The following IQSEC1 variants were observed in gnomAD, a reference collection of about 807,000 sequenced individuals.
IQSEC1 encodes the protein IQ motif and Sec7 domain ArfGEF 1.
Under a neutral mutation model 91.0 loss-of-function variants are expected in IQSEC1, and 31 were observed. The observed-to-expected ratio is 0.34, with a 90% CI of 0.26 to 0.46. IQSEC1 has a LOEUF of 0.46. Among genes scored for constraint, IQSEC1 ranks in the 20% least tolerant of loss-of-function variants. The probability of loss-of-function intolerance (pLI) is 1.00; values close to 1 mark genes in which losing one functional copy is unlikely to be tolerated. For synonymous variants in IQSEC1, 699 were observed against 662.6 expected, an observed-to-expected ratio of 1.05 and a Z score of -0.84; for missense variants, 1,388 against 1,575.6, an observed-to-expected ratio of 0.88 and a Z score of 2.02.
intron 2 of IQSEC1, among the ~76,000 whole-genome samples, chr3:13,093,499 T>G (rs1462011189): frequency 2.0e-5 from 3 of 152,048 alleles, no homozygotes; most frequent in Admixed American, 6.5e-5. Flanking sequence ...AGGGGCTTCA[T>G]CCAAGTAACT....
intron 1 of IQSEC1, among the ~76,000 whole-genome samples, chr3:13,187,229 G>C (rs1004703102): frequency 6.6e-5 from 10 of 152,184 alleles, no homozygotes; most frequent in Non-Finnish European, 1.5e-4. Flanking sequence ...CCCTCAAGGA[G>C]CTTGCAGTCT....
intron 1 of IQSEC1, among the ~76,000 whole-genome samples, chr3:13,245,718 G>T (rs1395021830): frequency 6.6e-6 from 1 of 151,632 alleles, no homozygotes; most frequent in Non-Finnish European, 1.5e-5. Flanking sequence ...AGTGAGCAGA[G>T]GTCGCGCCAC....
intron 1 of IQSEC1, among the ~76,000 whole-genome samples, chr3:13,038,296 AT>A (rs1704120897): frequency 7.1e-6 from 1 of 140,930 alleles, no homozygotes; most frequent in African/African-American, 2.6e-5. Flanking sequence ...ATATATATAT[AT>A]AAAATGAAGT....
chr3:13,174,265 T>G (rs1052288003), intron 1 of IQSEC1, among the ~76,000 whole-genome samples: 1 of 152,142 alleles, frequency 6.6e-6, no homozygotes, highest in Admixed American at 6.5e-5. Flanking sequence ...TGCCCATGCC[T>G]GATGACCCCG....
chr3:13,213,990 C>T (rs1694493653), intron 1 of IQSEC1, among the ~76,000 whole-genome samples: 1 of 152,106 alleles, frequency 6.6e-6, no homozygotes, highest in Non-Finnish European at 1.5e-5. Context: ...CAACCTGGAC[C>T]CATCGCTCTC....
intron 12 of IQSEC1, among the ~76,000 whole-genome samples, chr3:12,905,064 C>CACCCACAACCATAACT (rs1282663358): frequency 6.6e-6 from 1 of 152,234 alleles, no homozygotes; most frequent in Admixed American, 6.5e-5. Flanking sequence ...CTCACAGGTA[C>CACCCACAACCATAACT]ACCCACAACC....
intron 3 of IQSEC1, among the ~76,000 whole-genome samples, chr3:12,930,737 A>G (rs1020072568): frequency 2.0e-5 from 3 of 152,162 alleles, no homozygotes; most frequent in African/African-American, 7.2e-5. Context: ...AGTTTGATAG[A>G]GTTCCTGTCA....
At chr3:13,005,174 G>A (rs971341490) in intron 1 of IQSEC1, among the ~76,000 whole-genome samples, 2 of 152,124 alleles carry the variant, frequency 1.3e-5, no homozygotes, top group East Asian at 1.9e-4. Flanking sequence ...TATGGCATGG[G>A]GGCAGGGGGT....
intron 1 of IQSEC1, among the ~76,000 whole-genome samples, chr3:13,058,624 G>A (rs555114570): frequency 1.1e-3 from 165 of 152,316 alleles, no homozygotes; most frequent in Admixed American, 1.8e-3. Flanking sequence ...CCTTAGTGGG[G>A]CCCTGGAAGG....
At chr3:13,141,192 G>T (rs11714289) in intron 2 of IQSEC1, among the ~76,000 whole-genome samples, 28,283 of 152,212 alleles carry the variant, frequency 0.19, 3,400 homozygotes, top group Non-Finnish European at 0.26. Context: ...GAGTGGACTT[G>T]GGGAGAAAAA....
intron 2 of IQSEC1, among the ~76,000 whole-genome samples, chr3:13,095,565 T>TC (rs1232094254): frequency 4.7e-5 from 7 of 150,410 alleles, no homozygotes; most frequent in Admixed American, 4.6e-4. Flanking sequence ...TCATTGCCAC[T>TC]CCCCCCTCCT....
At chr3:13,176,049 T>C (rs1248423364) in intron 1 of IQSEC1, among the ~76,000 whole-genome samples, 8 of 152,226 alleles carry the variant, frequency 5.3e-5, no homozygotes, top group Non-Finnish European at 1.2e-4. Context: ...ATGATAGACA[T>C]TGCCATTCTG....
chr3:13,164,246 C>A (rs1333111310), intron 1 of IQSEC1, among the ~76,000 whole-genome samples: 3 of 152,184 alleles, frequency 2.0e-5, no homozygotes, highest in Non-Finnish European at 4.4e-5. Flanking sequence ...GCATCCCCTC[C>A]CCAGCCTCAG....
intron 1 of IQSEC1, among the ~76,000 whole-genome samples, chr3:13,038,429 G>A (rs1704126518): frequency 6.6e-6 from 1 of 151,568 alleles, no homozygotes; most frequent in African/African-American, 2.4e-5. Context: ...TCACTTATTT[G>A]TGGGATCTAA....
At chr3:13,165,321 T>C (rs1196433302) in intron 1 of IQSEC1, among the ~76,000 whole-genome samples, 3 of 152,156 alleles carry the variant, frequency 2.0e-5, no homozygotes, top group African/African-American at 7.2e-5. Flanking sequence ...CACAGACACC[T>C]GTGGCATCTC....
chr3:12,900,427 T>TCA lies in IQSEC1; in HGVS notation c.*554_*555dup, dbSNP rs960170224. 4.8e-4 allele frequency: 465 copies of TCA among 971,730 alleles called. 2 individuals are homozygous for TCA. In the Middle Eastern group the frequency reaches 8.5e-3, roughly 18 times the overall value. 60.2% of individuals were successfully genotyped at this position (971,730 alleles called of 1,614,324 possible). Reference sequence around the variant, plus strand: ...TAATGTGGACTGAAACGCCTGCCTTTCACACACAAGTACTACCTATACAGT... The same window carrying TCA: ...TAATGTGGACTGAAACGCCTGCCTTTCACACACACAAGTACTACCTATACAGT... On this transcript the variant is annotated 3_prime_UTR_variant, in exon 14 of 14. Coordinates refer to ENST00000613206, the MANE Select transcript of IQSEC1 (RefSeq NM_001134382.3).
intron 6 of IQSEC1, among the ~76,000 whole-genome samples, chr3:12,919,140 G>A (rs1430420893): frequency 2.0e-5 from 3 of 152,192 alleles, no homozygotes; most frequent in Non-Finnish European, 4.4e-5. Flanking sequence ...TGGACACCTG[G>A]GCCTGGGAGT....
At chr3:13,155,597 G>C (rs1707074080) in intron 2 of IQSEC1, among the ~76,000 whole-genome samples, 1 of 152,202 alleles carries the variant, frequency 6.6e-6, no homozygotes. Flanking sequence ...AAAACTTCAA[G>C]TAGGGAGTGC....
chr3:13,059,443 C>A (rs996134621), intron 1 of IQSEC1, among the ~76,000 whole-genome samples: 1 of 152,202 alleles, frequency 6.6e-6, no homozygotes, highest in Non-Finnish European at 1.5e-5. Context: ...ACAGCACAGG[C>A]CTGGCACGGG....
Sources: allele counts gnomAD v4.1 joint callset (sites outside exome capture counted in the v4.1 genomes callset), GRCh38; gene constraint gnomAD v4.1.1; transcripts MANE v1.5; gene names NCBI Gene and HGNC (gene_info 2026-07-23, HGNC 2026-07-21).